The following SPART variants were observed in gnomAD, a reference collection of about 807,000 sequenced individuals.
SPART encodes the protein spastic paraplegia 20 (Troyer syndrome).
Under a neutral mutation model 58.7 loss-of-function variants are expected in SPART, and 35 were observed. The observed-to-expected ratio is 0.60, with a 90% confidence interval of 0.46 to 0.79. The LOEUF (loss-of-function observed/expected upper bound fraction) is 0.79, where lower values mean the gene tolerates loss of function less well. Ranked by LOEUF, SPART falls within the 30% of genes least tolerant of loss-of-function variation. SPART has a pLI of 0.00. For synonymous variants in SPART, 284 were observed against 280.7 expected (o/e 1.01, Z -0.12); for missense variants, 730 against 786.1 (o/e 0.93, Z 0.85).
intron 2 of SPART, 137 bp downstream of exon 2, chr13:36,334,884 T>C: frequency 1.5e-6 from 1 of 689,258 alleles, no homozygotes; most frequent in South Asian, 1.9e-5. Flanking sequence ...GCTCATAATT[T>C]CATGGAATAT....
chr13:36,304,682 A>T, intron 8 of SPART, 50 bp from the exon 9 acceptor site: 1 of 1,575,478 alleles, frequency 6.3e-7, no homozygotes, highest in Non-Finnish European at 8.7e-7. Flanking sequence ...AATATAAAAT[A>T]AGGTCTTCTG....
At chr13:36,311,950 G>A (rs1027547519) in intron 8 of SPART, among the ~76,000 whole-genome samples, 195 bp downstream of exon 8, 84 of 152,222 alleles carry the variant, frequency 5.5e-4, no homozygotes, top group African/African-American at 2.0e-3. Context: ...AGCCGGGCAT[G>A]GTGGCGTGTG....
chr13:36,362,519 A>G (rs1885905673), intron 1 of SPART, among the ~76,000 whole-genome samples: 1 of 152,152 alleles, frequency 6.6e-6, no homozygotes, highest in Non-Finnish European at 1.5e-5. Context: ...AGTTATTGAA[A>G]AAAGTGCATT....
chr13:36,332,285 T>A (rs879753220), intron 2 of SPART, among the ~76,000 whole-genome samples: 18 of 152,068 alleles, frequency 1.2e-4, no homozygotes, highest in South Asian at 4.1e-4. Flanking sequence ...TTATTTGAGG[T>A]CAGGAGTTCA....
intron 1 of SPART, among the ~76,000 whole-genome samples, chr13:36,369,268 A>C (rs979082599): frequency 6.6e-6 from 1 of 152,198 alleles, no homozygotes; most frequent in African/African-American, 2.4e-5. Flanking sequence ...TGGTAGAGTT[A>C]TTAGGAGTGT....
upstream of SPART, among the ~76,000 whole-genome samples, chr13:36,349,663 G>A (rs1214992865): frequency 1.3e-5 from 2 of 152,170 alleles, no homozygotes; most frequent in Non-Finnish European, 2.9e-5. Flanking sequence ...TCTTAATACT[G>A]AATTATGAAG....
At chr13:36,363,371 C>G (rs1197753989) in intron 1 of SPART, among the ~76,000 whole-genome samples, 4 of 152,010 alleles carry the variant, frequency 2.6e-5, no homozygotes, top group Admixed American at 2.0e-4. Context: ...CTCTCTCTCT[C>G]TGTCCCTCTT....
chr13:36,312,940 T>G (rs9547233), intron 6 of SPART, among the ~76,000 whole-genome samples: 35,314 of 151,556 alleles, frequency 0.23, 4,668 homozygotes, highest in East Asian at 0.51. Flanking sequence ...ATTTTTCTAC[T>G]GATAAATATC....
Position 36,361,083 on chromosome 13 carries a change from C to G in SPART, c.-3+9006G>C, listed in dbSNP as rs186496230. ...GATATTGCACATTAACCTCATAATG[C>G]TGTCTGTATCAATTTCAACATTAAT... is the stretch of plus-strand genomic sequence containing the variant. On this transcript the variant is annotated intron_variant, in intron 1 of 8. Coordinates refer to the SPART transcript ENST00000355182. Among the ~76,000 whole-genome samples, 226 of 152,244 alleles carry G rather than the reference C, an allele frequency of 1.5e-3. 2 individuals carry two copies. The highest frequency in any genetic ancestry group is 2.5e-3 in the Non-Finnish European group (169 of 68,020).
At chr13:36,310,799 A>G (rs1381066706) in intron 8 of SPART, among the ~76,000 whole-genome samples, 1 of 152,138 alleles carries the variant, frequency 6.6e-6, no homozygotes, top group Non-Finnish European at 1.5e-5. Flanking sequence ...AAGAACACCC[A>G]TAGACTTTCG....
Position 36,312,197 on chromosome 13 carries a change from T to C in SPART, c.1681A>G (p.Lys561Glu). 1 of 1,614,206 alleles carries C rather than the reference T, an allele frequency of 6.2e-7. No individual in the cohort carries two copies. Among genetic ancestry groups the C allele is most frequent in the South Asian group, 1.1e-5 (1 of 91,090 alleles). Residue 561 changes from lysine (K) to glutamate (E), a missense_variant, in exon 8 of 9, where the codon AAA becomes GAA. Transcript: ENST00000438666. ...TVWQGLECAA[K>E]CIVNNVSAET... is the part of the protein sequence containing the mutation. ...GCTGAAACATTGTTAACGATGCATT[T>C]AGCTGCACATTCCAATCCTTGCCAG... is the stretch of plus-strand genomic sequence containing the variant.
chr13:36,365,892 T>C (rs1173992127), intron 1 of SPART: 6 of 196,024 alleles, frequency 3.1e-5, no homozygotes, highest in Non-Finnish European at 7.0e-5. Context: ...ACAGAGCCAG[T>C]CACCAAATCC....
At chr13:36,351,330 C>T (rs7984721), upstream of SPART, among the ~76,000 whole-genome samples, 37,645 of 151,248 alleles carry the variant, frequency 0.25, 5,184 homozygotes, top group East Asian at 0.51. Flanking sequence ...AAAAAGTTTG[C>T]ACTCAATAAA....
At chr13:36,324,760 G>A (rs192003526) in intron 5 of SPART, among the ~76,000 whole-genome samples, 6 of 152,280 alleles carry the variant, frequency 3.9e-5, no homozygotes, top group Admixed American at 2.6e-4. Context: ...GGGTGCAAGC[G>A]GGCTGAGACC....
chr13:36,335,433 C>A lies in SPART; in HGVS notation c.398G>T (p.Ser133Ile), dbSNP rs1186746015. 3 of 1,614,088 alleles carry A rather than the reference C, an allele frequency of 1.9e-6. No homozygotes were observed. Among genetic ancestry groups the A allele is most frequent in the Non-Finnish European group, 2.5e-6 (3 of 1,180,004 alleles). The change falls in exon 2 of 9, where the codon AGT becomes ATT. Residue 133 changes from serine (S) to isoleucine (I), a missense_variant. Transcript: ENST00000438666. ...CEKLPEPQSFSSAPQHAEVNG... is the reference protein window; with the variant it reads ...CEKLPEPQSFISAPQHAEVNG... The stretch of plus-strand genomic sequence containing the variant: ...TACTTCAGCATGCTGAGGAGCTGAA[C>A]TAAAAGACTGAGGCTCTGGTAATTT...
chr13:36,333,850 CTCCT>C (rs1323924761), intron 2 of SPART, among the ~76,000 whole-genome samples: 1 of 152,152 alleles, frequency 6.6e-6, no homozygotes, highest in Non-Finnish European at 1.5e-5. Context: ...AACCTTAAGG[CTCCT>C]TCCTTAAAAT....
intron 5 of SPART, among the ~76,000 whole-genome samples, chr13:36,317,562 C>T (rs1881862536): frequency 6.9e-6 from 1 of 144,028 alleles, no homozygotes; most frequent in Non-Finnish European, 1.5e-5. Context: ...CCCCTTATTT[C>T]TGCACCCCAT....
At chr13:36,339,072 G>C (rs1836496658) in intron 1 of SPART, among the ~76,000 whole-genome samples, 2 of 151,628 alleles carry the variant, frequency 1.3e-5, no homozygotes, top group Admixed American at 1.3e-4. Context: ...GGTTGAAATG[G>C]ACAATGTGCA....
intron 1 of SPART, among the ~76,000 whole-genome samples, chr13:36,352,646 C>T (rs906810113): frequency 1.3e-5 from 2 of 152,080 alleles, no homozygotes; most frequent in African/African-American, 4.8e-5. Flanking sequence ...GAATGAGAAG[C>T]AGTGAAAACT....
Sources: gnomAD v4.1 joint callset for allele counts (sites outside exome capture counted in the v4.1 genomes callset) on GRCh38, gnomAD v4.1.1 for gene constraint, MANE v1.5 for transcripts, NCBI Gene and HGNC (gene_info 2026-07-23, HGNC 2026-07-21) for gene names.